Variants in RNF6 observed in about 807,000 individuals in gnomAD.
RNF6 encodes the protein E3 ubiquitin-protein ligase RNF6.
In RNF6, 21 loss-of-function variants were observed where a neutral mutation model predicts 50.1. The observed-to-expected ratio is 0.42, with a 90% CI of 0.30 to 0.60. The LOEUF (loss-of-function observed/expected upper bound fraction) is 0.60. Among genes scored for constraint, RNF6 ranks in the 20% least tolerant of loss-of-function variants. The pLI is 0.20. For synonymous variants in RNF6, 255 were observed against 291.8 expected, an observed-to-expected ratio of 0.87 and a Z score of 1.29; for missense variants, 698 against 838.2, an observed-to-expected ratio of 0.83 and a Z score of 2.07.
intron 5 of RNF6, among the ~76,000 whole-genome samples, chr13:26,153,592 G>A (rs183629904): frequency 6.6e-5 from 10 of 152,300 alleles, no homozygotes; most frequent in Admixed American, 2.6e-4. Flanking sequence ...TTGAATAAAT[G>A]GGAGGAGACG....
rs544846393 is a variant in RNF6 at position 26,185,447 on chromosome 13, T to TA, written n.768+30026dup. 2.7e-3 allele frequency among the ~76,000 whole-genome samples: 404 copies of TA among 152,200 alleles called. 3 individuals carry two copies. The highest frequency in any genetic ancestry group is 7.9e-3 in the African/African-American group (330 of 41,532). ...ATATACATTTGAAGTGCATTTTTTTTAAAAAAAGTTGTTACTTGGCTGGGC... is the reference window on the plus strand; with the variant it reads ...ATATACATTTGAAGTGCATTTTTTTTAAAAAAAAGTTGTTACTTGGCTGGGC... On this transcript the variant is annotated intron_variant and non_coding_transcript_variant, in intron 5 of 5. Coordinates refer to the RNF6 transcript ENST00000468480.
chr13:26,217,068 TA>T (rs1448019079), intron 4 of RNF6, among the ~76,000 whole-genome samples: 7 of 152,258 alleles, frequency 4.6e-5, no homozygotes, highest in Non-Finnish European at 8.8e-5. Context: ...TTGAAGCTAT[TA>T]ATCAGCTGTT....
intron 4 of RNF6, among the ~76,000 whole-genome samples, chr13:26,217,798 A>G (rs890767850): frequency 3.9e-5 from 6 of 152,226 alleles, no homozygotes; most frequent in African/African-American, 1.4e-4. Context: ...CAGCTACTGT[A>G]CTGAACAGCA....
chr13:26,204,496 C>CAAAAAAAAAAAAAAAAA (rs71080239), intron 5 of RNF6, among the ~76,000 whole-genome samples: 2 of 68,964 alleles, frequency 2.9e-5, no homozygotes, highest in Non-Finnish European at 5.8e-5. Flanking sequence ...GACTCCACCT[C>CAAAAAAAAAAAAAAAAA]AAAAAAAAAA....
exon 6 of RNF6, chr13:26,132,414 G>T (rs1289708415): frequency 2.2e-6 from 1 of 458,940 alleles, no homozygotes; most frequent in Non-Finnish European, 4.4e-6. Context: ...CTTAACAACT[G>T]GTTTTCTGGT....
At chr13:26,132,461 A>G (rs1455073977) in intron 5 of RNF6, 2 of 458,938 alleles carry the variant, frequency 4.4e-6, no homozygotes, top group Middle Eastern at 3.3e-4. Flanking sequence ...CCTACAAAAT[A>G]AAACCAAAGA....
At chr13:26,185,686 C>A (rs1873484234) in intron 5 of RNF6, among the ~76,000 whole-genome samples, 1 of 152,162 alleles carries the variant, frequency 6.6e-6, no homozygotes, top group Non-Finnish European at 1.5e-5. Context: ...GCGGAGGTTG[C>A]AGTGAGCCGA....
At chr13:26,207,006 G>A (rs1429495647) in intron 5 of RNF6, among the ~76,000 whole-genome samples, 1 of 151,974 alleles carries the variant, frequency 6.6e-6, no homozygotes, top group Admixed American at 6.6e-5. Flanking sequence ...TATGTGACTG[G>A]TTTTAAAAGA....
intron 5 of RNF6, among the ~76,000 whole-genome samples, chr13:26,139,884 G>A (rs973749533): frequency 6.6e-6 from 1 of 151,708 alleles, no homozygotes; most frequent in African/African-American, 2.4e-5. Context: ...TGTCCCCCAG[G>A]GTGATCATAG....
chr13:26,197,202 G>A (rs1331316454), intron 5 of RNF6, among the ~76,000 whole-genome samples: 1 of 151,846 alleles, frequency 6.6e-6, no homozygotes, highest in Non-Finnish European at 1.5e-5. Context: ...TTGAGATCCT[G>A]CCTAGAAAAA....
intron 5 of RNF6, among the ~76,000 whole-genome samples, chr13:26,155,771 ATC>A (rs1314285413): frequency 6.6e-6 from 1 of 152,214 alleles, no homozygotes; most frequent in Non-Finnish European, 1.5e-5. Context: ...CTCAGGCGTC[ATC>A]TGTTTCCATG....
chr13:26,149,963 TAC>T (rs1293746540), intron 5 of RNF6, among the ~76,000 whole-genome samples: 1 of 103,700 alleles, frequency 9.6e-6, no homozygotes, highest in Non-Finnish European at 2.0e-5. Context: ...TATATATATA[TAC>T]ACAGTGTATA....
In RNF6 at chr13:26,143,981, T is replaced by C. The variant is rs551653138; in HGVS notation, n.769-11530A>G. ...GGCAAAGCCATGTCCAGAATGTCTA[T>C]TCCAGTAAGAATAAAATGCTGCCCC... On this transcript the variant is annotated intron_variant and non_coding_transcript_variant, in intron 5 of 5. Coordinates refer to the RNF6 transcript ENST00000468480. Among the ~76,000 whole-genome samples, 5 of 152,306 alleles carry C rather than the reference T, an allele frequency of 3.3e-5. No homozygotes were observed. In the East Asian group the frequency reaches 7.7e-4, roughly 24 times the overall value.
rs61760896 is a variant in RNF6 at position 26,214,633 on chromosome 13, T to C, written c.1249A>G (p.Ile417Val). The stretch of plus-strand genomic sequence containing the variant: ...ACTCTGGATCGAGTTCTATTTGCAA[T>C]ACTATCCCGATCTCTATTTTCTCCA... ...RPGENRDRDS[I>V]ANRTRSRVGL... is the part of the protein sequence containing the mutation. The change falls in exon 5 of 5, where the codon ATT becomes GTT. Residue 417 changes from isoleucine to valine, a missense_variant. Ile to Val is a conservative substitution (Grantham distance 29). Transcript: ENST00000381588. The C allele has an allele frequency of 1.4e-4, 229 of 1,614,220 alleles. 1 individual carries two copies. The highest frequency in any genetic ancestry group is 9.9e-4 in the Middle Eastern group (6 of 6,060).
rs1466634774 is a variant in RNF6 at position 26,150,019 on chromosome 13, T to C, written n.769-17568A>G. On this transcript the variant is annotated intron_variant and non_coding_transcript_variant, in intron 5 of 5. Coordinates refer to the RNF6 transcript ENST00000468480. ...ATACACAGTGTATATATAATGTGTA[T>C]ATATATATACACAGTGTATATATAA... Among the ~76,000 whole-genome samples, 100 of 105,558 alleles carry C rather than the reference T, an allele frequency of 9.5e-4. 2 individuals carry two copies. The highest frequency in any genetic ancestry group is 3.2e-3 in the African/African-American group (88 of 27,388). The allele number at this position is 105,558 out of a possible 152,430, so 69.3% of individuals were successfully genotyped here.
At chr13:26,141,767 C>T (rs560173783) in intron 5 of RNF6, among the ~76,000 whole-genome samples, 2 of 152,032 alleles carry the variant, frequency 1.3e-5, no homozygotes, top group South Asian at 4.1e-4. Flanking sequence ...AAACCTGAAA[C>T]TATAAAAATT....
intron 5 of RNF6, among the ~76,000 whole-genome samples, chr13:26,193,044 T>C (rs748817127): frequency 7.9e-5 from 12 of 152,320 alleles, no homozygotes; most frequent in Non-Finnish European, 1.5e-4. Flanking sequence ...TGGGGAAAAC[T>C]GGGTTAGGGG....
At chr13:26,164,381 CAGG>C (rs1872349404) in intron 5 of RNF6, among the ~76,000 whole-genome samples, 1 of 152,118 alleles carries the variant, frequency 6.6e-6, no homozygotes, top group African/African-American at 2.4e-5. Flanking sequence ...TATGTTGTGT[CAGG>C]AGTATTTTCT....
chr13:26,193,652 T>C (rs1274881120), intron 5 of RNF6, among the ~76,000 whole-genome samples: 5 of 151,326 alleles, frequency 3.3e-5, no homozygotes, highest in Admixed American at 2.0e-4. Context: ...GTAAGGTAGT[T>C]GGAAGGGTAA....
Sources: allele counts gnomAD v4.1 joint callset (sites outside exome capture counted in the v4.1 genomes callset), GRCh38; gene constraint gnomAD v4.1.1; transcripts MANE v1.5; gene names NCBI Gene and HGNC (gene_info 2026-07-23, HGNC 2026-07-21).